ITPK1: variants seen among roughly 807,000 people sequenced by gnomAD.
ITPK1 encodes the protein inositol-tetrakisphosphate 1-kinase.
Under a neutral mutation model 45.3 loss-of-function variants are expected in ITPK1, and 21 were observed. The observed-to-expected ratio is 0.46, with a 90% confidence interval of 0.33 to 0.67. The LOEUF is 0.67. Ranked by LOEUF, ITPK1 falls within the 30% of genes least tolerant of loss-of-function variation. ITPK1 has a pLI of 0.02. For missense variants in ITPK1, 474 were observed against 573.5 expected (o/e 0.83, Z 1.77); for synonymous variants, 258 against 253.6 (o/e 1.02, Z -0.16).
At chr14:93,067,852 T>C (rs1005937446) in intron 3 of ITPK1, 2 of 153,182 alleles carry the variant, frequency 1.3e-5, no homozygotes, top group African/African-American at 4.8e-5. Context: ...TAGTAAATGA[T>C]GGAGAATGAA....
chr14:92,957,806 G>A (rs113524447), intron 8 of ITPK1, among the ~76,000 whole-genome samples: 7 of 152,320 alleles, frequency 4.6e-5, no homozygotes, highest in African/African-American at 9.6e-5. Context: ...ATGGCTCAGC[G>A]GGAGACAGCA....
intron 3 of ITPK1, among the ~76,000 whole-genome samples, chr14:93,042,271 C>T (rs770533206): frequency 6.6e-6 from 1 of 152,214 alleles, no homozygotes; most frequent in South Asian, 2.1e-4. Context: ...TTCTAGTAAA[C>T]GTTCATTCAG....
rs145710634 is a variant in ITPK1, at chr14:93,015,618, G to A, written c.246+1058C>T. On this transcript the variant is annotated intron_variant, in intron 4 of 10. Coordinates refer to ENST00000267615, the MANE Select transcript of ITPK1 (RefSeq NM_014216.6). Reference sequence around the variant, plus strand: ...ACTTGGGGCCACTGGCAGGGCAGACGCCCTGGAGGGCACAACGTGGGACAT... The same window carrying A: ...ACTTGGGGCCACTGGCAGGGCAGACACCCTGGAGGGCACAACGTGGGACAT... 3.9e-5 allele frequency among the ~76,000 whole-genome samples: 6 copies of A among 152,354 alleles called. No homozygotes were observed. In the East Asian group the frequency reaches 1.2e-3, roughly 29 times the overall value.
chr14:93,108,573 C>T (rs1892615291), intron 2 of ITPK1, among the ~76,000 whole-genome samples: 1 of 152,270 alleles, frequency 6.6e-6, no homozygotes. Flanking sequence ...ATCTCACTAT[C>T]TCACTAGGTG....
intron 2 of ITPK1, among the ~76,000 whole-genome samples, chr14:93,100,230 G>A (rs554322897): frequency 6.6e-6 from 1 of 152,286 alleles, no homozygotes; most frequent in African/African-American, 2.4e-5. Context: ...CTGTGGACCT[G>A]GAGCATGAGG....
chr14:93,091,218 T>C (rs1267383068), intron 2 of ITPK1, among the ~76,000 whole-genome samples: 3 of 152,224 alleles, frequency 2.0e-5, no homozygotes, highest in African/African-American at 4.8e-5. Context: ...TAATTTCAAG[T>C]GTCCCTTGTG....
chr14:93,064,262 G>A (rs1350653129), intron 3 of ITPK1, among the ~76,000 whole-genome samples: 2 of 152,286 alleles, frequency 1.3e-5, no homozygotes, highest in African/African-American at 4.8e-5. Context: ...CAGCCTGGGC[G>A]ACAGAGCGAG....
Position 93,076,646 on chromosome 14 carries a change from C to T in ITPK1, c.96-27G>A, listed in dbSNP as rs753008228. ...TGTGGAGAAAAACAAAGAAAACAAG[C>T]GTTACTCCAGCAGGCTGGACACGTC... On this transcript the variant is annotated intron_variant, in intron 2 of 10. Transcript: ENST00000267615. This position sits in a 1 kb window ranked among gnomAD's most constrained non-coding sequence, Gnocchi z 4.3. 8.1e-6 allele frequency: 13 copies of T among 1,614,004 alleles called. No homozygotes were observed. The highest frequency in any genetic ancestry group is 4.4e-5 in the South Asian group (4 of 91,084).
chr14:93,044,870 T>C (rs948535547), intron 3 of ITPK1, among the ~76,000 whole-genome samples: 2 of 152,146 alleles, frequency 1.3e-5, no homozygotes, highest in Non-Finnish European at 2.9e-5. Flanking sequence ...TGTGGTTCTT[T>C]AGGATATATC....
In ITPK1 at chr14:93,016,586, TA is replaced by T; in HGVS notation, c.246+89del. 1.4e-6 allele frequency: 2 copies of T among 1,433,524 alleles called. No homozygotes were observed. Among genetic ancestry groups the T allele is most frequent in the Admixed American group, 3.6e-5 (2 of 55,944 alleles). 88.8% of individuals were successfully genotyped at this position (1,433,524 alleles called of 1,614,324 possible). ...CCAGACTATACCTCCAGAGAGCTGC[TA>T]CCGCCCTAAATACACACACGGCCAT... On this transcript the variant is annotated intron_variant, in intron 4 of 10. Coordinates refer to ENST00000267615, the MANE Select transcript of ITPK1 (RefSeq NM_014216.6). The surrounding 1 kb of genome is among the most constrained non-coding windows in gnomAD (Gnocchi z 5.0).
intron 2 of ITPK1, among the ~76,000 whole-genome samples, chr14:93,082,317 AG>A (rs1268158099): frequency 3.9e-5 from 6 of 152,310 alleles, no homozygotes; most frequent in African/African-American, 1.4e-4. Context: ...TGGTGGTGCC[AG>A]GAAGTGGTTA....
intron 2 of ITPK1, among the ~76,000 whole-genome samples, chr14:93,112,088 T>A (rs1201350185): frequency 6.6e-6 from 1 of 151,246 alleles, no homozygotes. Context: ...GCAGAGGGGC[T>A]CAGCTTTGCA....
At position 92,938,541 on chromosome 14, in the gene ITPK1, G is replaced by T; in HGVS notation, c.*3020C>A. ...TTGGCAGTCCCCTGGGTACAGAGAGGAATGTTTTTCCCAGGTTGCTTTCTC... is the reference window on the plus strand; with the variant it reads ...TTGGCAGTCCCCTGGGTACAGAGAGTAATGTTTTTCCCAGGTTGCTTTCTC... On this transcript the variant is annotated 3_prime_UTR_variant, in exon 11 of 11. Coordinates refer to ENST00000267615, the MANE Select transcript of ITPK1 (RefSeq NM_014216.6). 4 of 1,609,836 alleles carry T rather than the reference G, an allele frequency of 2.5e-6. No homozygotes were observed. Among genetic ancestry groups the T allele is most frequent in the Non-Finnish European group, 3.4e-6 (4 of 1,176,158 alleles).
At chr14:93,031,950 T>C (rs1175942626) in intron 3 of ITPK1, among the ~76,000 whole-genome samples, 2 of 152,224 alleles carry the variant, frequency 1.3e-5, no homozygotes, top group African/African-American at 2.4e-5. Context: ...AAAGCCTGCA[T>C]AGATTATTAT....
At chr14:93,105,434 C>T (rs1892480626) in intron 2 of ITPK1, among the ~76,000 whole-genome samples, 1 of 152,078 alleles carries the variant, frequency 6.6e-6, no homozygotes, top group Non-Finnish European at 1.5e-5. Flanking sequence ...AAGGAGCTCC[C>T]CAGCCCCCTT....
Position 93,014,412 on chromosome 14 carries a change from G to A in ITPK1, c.246+2264C>T, listed in dbSNP as rs938012967. ...GAGGGATAAGAGCTTGGGAGCAGAT[G>A]TTCCAGAACTCCGGGCCCAGGCTAG... is the stretch of plus-strand genomic sequence containing the variant. On this transcript the variant is annotated intron_variant, in intron 4 of 10. Coordinates refer to ENST00000267615, the MANE Select transcript of ITPK1 (RefSeq NM_014216.6). This position sits in a 1 kb window ranked among gnomAD's most constrained non-coding sequence, Gnocchi z 4.4. 6.6e-6 allele frequency among the ~76,000 whole-genome samples: 1 copy of A among 152,222 alleles called. No homozygotes were observed. Among genetic ancestry groups the A allele is most frequent in the South Asian group, 2.1e-4 (1 of 4,834 alleles).
At position 92,940,721 on chromosome 14, in the gene ITPK1, G is replaced by T; in HGVS notation, c.*840C>A. 5 of 1,288,984 alleles carry T rather than the reference G, an allele frequency of 3.9e-6. No homozygotes were observed. Among genetic ancestry groups the T allele is most frequent in the Non-Finnish European group, 5.1e-6 (5 of 988,658 alleles). The allele number at this position is 1,288,984 out of a possible 1,614,324, so 79.8% of individuals were successfully genotyped here. A position where few individuals can be genotyped will look rare whatever the true frequency, so the allele number is the denominator to read the frequency against. ...TCTCAAATGTCCACTAGAGACAAGG[G>T]GGTGGAGGCCCAAAGACCTGGAATG... On this transcript the variant is annotated 3_prime_UTR_variant, in exon 11 of 11. Coordinates refer to ENST00000267615, the MANE Select transcript of ITPK1 (RefSeq NM_014216.6).
intron 8 of ITPK1, among the ~76,000 whole-genome samples, chr14:92,952,692 G>A (rs541541379): frequency 9.9e-5 from 15 of 152,208 alleles, no homozygotes; most frequent in African/African-American, 3.1e-4. Context: ...CACAACACCC[G>A]GCCCGTACAG....
chr14:93,027,489 C>T (rs1438513017), intron 3 of ITPK1, among the ~76,000 whole-genome samples: 2 of 152,164 alleles, frequency 1.3e-5, no homozygotes, highest in African/African-American at 4.8e-5. Context: ...CAGATGGGGA[C>T]ACCAAGGCAA....
Sources: gnomAD v4.1 joint callset for allele counts (sites outside exome capture counted in the v4.1 genomes callset) on GRCh38, gnomAD v4.1.1 for gene constraint, Gnocchi (gnomAD v3.1) non-coding constraint, MANE v1.5 for transcripts, NCBI Gene and HGNC (gene_info 2026-07-23, HGNC 2026-07-21) for gene names.